BCDIN3D: variants seen among roughly 807,000 people sequenced by gnomAD.
The protein encoded by BCDIN3D is RNA 5'-monophosphate methyltransferase.
A neutral mutation model predicts 21.2 loss-of-function variants in BCDIN3D; 15 were observed. The ratio of observed to expected loss-of-function variants is 0.71; its 90% CI spans 0.47 to 1.09. BCDIN3D has a LOEUF of 1.09. BCDIN3D is among the 50% of genes least tolerant of loss of function. The probability of loss-of-function intolerance (pLI) is 0.00; values close to 1 mark genes in which losing one functional copy is unlikely to be tolerated. For synonymous variants in BCDIN3D, 127 were observed against 141.9 expected (o/e 0.90, Z 0.75); for missense variants, 331 against 366.2 (o/e 0.90, Z 0.79).
At position 49,838,702 on chromosome 12, in the gene BCDIN3D, A is replaced by G. The variant is rs1160144569; in HGVS notation, c.548T>C (p.Leu183Pro). ...NHGDHGLWEF[L>P]AHLSSLCHYL... ...GTGGCAGAGGGAGGAAAGATGGGCC[A>G]GGAACTCCCATAGGCCATGGTCTCC... Residue 183 changes from leucine (L) to proline (P), a missense_variant, in exon 2 of 2, where the codon CTG (leucine) becomes CCG (proline). Physicochemically the swap from Leu to Pro is moderately conservative, Grantham distance 98. Coordinates refer to ENST00000333924, the MANE Select transcript of BCDIN3D (RefSeq NM_181708.3). 6.2e-7 allele frequency: 1 copy of G among 1,613,950 alleles called. No homozygotes were observed. Among genetic ancestry groups the G allele is most frequent in the Admixed American group, 1.7e-5 (1 of 60,022 alleles).
At chr12:49,840,369 A>T (rs1167039006) in intron 1 of BCDIN3D, 1 of 152,226 alleles carries the variant, frequency 6.6e-6, no homozygotes, top group African/African-American at 2.4e-5. Context: ...AAATTAAAGT[A>T]CATCATTCAG....
rs1281676371 is a variant in BCDIN3D at position 49,836,266 on chromosome 12, G to GCCT, written c.*2102_*2104dup. ...TCCTACTGTGGTCAGCTCTCCCTCTGCCTCCCTATTATAAGAACACTGATG... is the reference window on the plus strand; with the variant it reads ...TCCTACTGTGGTCAGCTCTCCCTCTGCCTCCTCCCTATTATAAGAACACTGATG... On this transcript the variant is annotated 3_prime_UTR_variant, in exon 2 of 2. Coordinates refer to ENST00000333924, the MANE Select transcript of BCDIN3D (RefSeq NM_181708.3). 17 of 152,124 alleles carry GCCT rather than the reference G, an allele frequency of 1.1e-4. No individual in the cohort carries two copies. Among genetic ancestry groups the GCCT allele is most frequent in the African/African-American group, 4.1e-4 (17 of 41,388 alleles). The allele number at this position is 152,124 out of a possible 1,614,324, so 9.4% of individuals were successfully genotyped here. A position where few individuals can be genotyped will look rare whatever the true frequency, so the allele number is the denominator to read the frequency against.
At chr12:49,839,468 G>A (rs1946537361) in intron 1 of BCDIN3D, 1 of 160,004 alleles carries the variant, frequency 6.2e-6, no homozygotes, top group African/African-American at 2.4e-5. Context: ...CTGCTTCTCA[G>A]ACCCGCGGTG....
chr12:49,842,608 C>A, intron 1 of BCDIN3D: 1 of 487,974 alleles, frequency 2.0e-6, no homozygotes, highest in Non-Finnish European at 3.6e-6. Context: ...CCGTTCCCAC[C>A]TGGGGTCTGG....
At position 49,837,175 on chromosome 12, in the gene BCDIN3D, A is replaced by AGT. The variant is rs938291704; in HGVS notation, c.*1195_*1196insAC. 6 of 152,048 alleles carry AGT rather than the reference A, an allele frequency of 3.9e-5. No individual in the cohort carries two copies. The highest frequency in any genetic ancestry group is 1.4e-4 in the African/African-American group (6 of 41,382). The allele number at this position is 152,048 out of a possible 1,614,324, so 9.4% of individuals were successfully genotyped here. On this transcript the variant is annotated 3_prime_UTR_variant, in exon 2 of 2. Coordinates refer to ENST00000333924, the MANE Select transcript of BCDIN3D (RefSeq NM_181708.3). ...ATCTGTTGATTCTGATGTACCTAAG[A>AGT]ACTAAGGGATATAATGACAAAACAG...
At chr12:49,839,438 A>G (rs1046166093) in intron 1 of BCDIN3D, 6 of 164,168 alleles carry the variant, frequency 3.7e-5, no homozygotes, top group African/African-American at 1.4e-4. Flanking sequence ...GGAATACAGC[A>G]AGCACAATCT....
rs143608766 is a variant in BCDIN3D at position 49,843,065 on chromosome 12, T to A, written c.23A>T (p.Asp8Val). 2 of 1,613,812 alleles carry A rather than the reference T, an allele frequency of 1.2e-6. No individual in the cohort carries two copies. Among genetic ancestry groups the A allele is most frequent in the African/African-American group, 1.3e-5 (1 of 74,926 alleles). Residue 8 changes from aspartate to valine, a missense_variant, in exon 1 of 2, where the codon GAT becomes GTT. By Grantham distance (152) the Asp-to-Val change is radical. Transcript: ENST00000333924. MAVPTEL[D>V]GGSVKETAAE... ...TGCGGTCTCCTTAACACTCCCTCCATCCAGTTCCGTGGGCACCGCCATTAG... is the reference window on the plus strand; with the variant it reads ...TGCGGTCTCCTTAACACTCCCTCCAACCAGTTCCGTGGGCACCGCCATTAG...
At position 49,838,091 on chromosome 12, in the gene BCDIN3D, A is replaced by G; in HGVS notation, c.*280T>C. The G allele has an allele frequency of 3.1e-6, 1 of 324,544 alleles. No individual in the cohort carries two copies. The allele number at this position is 324,544 out of a possible 1,614,324, so 20.1% of individuals were successfully genotyped here. A position where few individuals can be genotyped will look rare whatever the true frequency, so the allele number is the denominator to read the frequency against. ...AGTCTGATCTTTATAAATAATCCCCAAAAGCAGCCCTCTCCATAACCCATA... is the reference window on the plus strand; with the variant it reads ...AGTCTGATCTTTATAAATAATCCCCGAAAGCAGCCCTCTCCATAACCCATA... On this transcript the variant is annotated 3_prime_UTR_variant, in exon 2 of 2. Coordinates refer to ENST00000333924, the MANE Select transcript of BCDIN3D (RefSeq NM_181708.3).
In BCDIN3D at chr12:49,838,781, C is replaced by T. The variant is rs1183243609; in HGVS notation, c.469G>A (p.Val157Ile). ...SSFLSQFGRS[V>I]FDIGFCMSIT... ...GACATGCAGAAGCCAATGTCAAAAA[C>T]TGAACGTCCAAATTGGCTTAAGAAA... The change falls in exon 2 of 2, where the codon GTT becomes ATT. Residue 157 changes from valine to isoleucine, a missense_variant. Transcript: ENST00000333924. The T allele has an allele frequency of 6.2e-7, 1 of 1,614,210 alleles. No individual in the cohort carries two copies. Among genetic ancestry groups the T allele is most frequent in the South Asian group, 1.1e-5 (1 of 91,088 alleles).
Position 49,838,260 on chromosome 12 carries a change from G to T in BCDIN3D, c.*111C>A. On this transcript the variant is annotated 3_prime_UTR_variant, in exon 2 of 2. Transcript: ENST00000333924. ...ATGTGCCTTGGACATTTTACCAAAAGCTCCTGCCAGGTTTTGCGGCTGCCT... is the reference window on the plus strand; with the variant it reads ...ATGTGCCTTGGACATTTTACCAAAATCTCCTGCCAGGTTTTGCGGCTGCCT... The T allele has an allele frequency of 2.7e-6, 3 of 1,124,756 alleles. No homozygotes were observed. Among genetic ancestry groups the T allele is most frequent in the Non-Finnish European group, 3.8e-6 (3 of 793,050 alleles). The allele number at this position is 1,124,756 out of a possible 1,614,324, so 69.7% of individuals were successfully genotyped here.
At position 49,838,493 on chromosome 12, in the gene BCDIN3D, T is replaced by A; in HGVS notation, c.757A>T (p.Thr253Ser). The change falls in exon 2 of 2, where the codon ACC (threonine) becomes TCC (serine). Residue 253 changes from threonine to serine, a missense_variant. By Grantham distance (58) the Thr-to-Ser change is moderately conservative. Transcript: ENST00000333924. ...GMELICCFGN[T>S]SWDRSLLLFR... is the part of the protein sequence containing the mutation. ...AGCAGAAGGCTTCTGTCCCAACTGG[T>A]GTTGCCAAAGCAACATATTAATTCC... is the stretch of plus-strand genomic sequence containing the variant. 1 of 1,614,156 alleles carries A rather than the reference T, an allele frequency of 6.2e-7. No individual in the cohort carries two copies. Among genetic ancestry groups the A allele is most frequent in the Non-Finnish European group, 8.5e-7 (1 of 1,180,036 alleles).
At position 49,842,944 on chromosome 12, in the gene BCDIN3D, G is replaced by A. The variant is rs765327732; in HGVS notation, c.144C>T (p.Arg48=). 12 of 1,614,228 alleles carry A rather than the reference G, an allele frequency of 7.4e-6. No homozygotes were observed. In the Admixed American group the frequency reaches 1.2e-4, roughly 16 times the overall value. The change falls in exon 1 of 2, where the codon CGC becomes CGT. Residue 48 remains arginine (R), a synonymous_variant. Coordinates refer to ENST00000333924, the MANE Select transcript of BCDIN3D (RefSeq NM_181708.3). ...GTCGAAGCAGCTCCGGGGGCAGGAG[G>A]CGGAGCCGTTGCTCCGGAGGGTGGA... The part of the protein sequence containing the change: ...SRFHPPEQRL[R]LLPPELLRQL...
At chr12:49,839,566 A>T (rs963581759) in intron 1 of BCDIN3D, 1 of 153,802 alleles carries the variant, frequency 6.5e-6, no homozygotes, top group Non-Finnish European at 1.4e-5. Context: ...CTTCTGAGAC[A>T]TTCTGCTTCT....
Position 49,842,963 on chromosome 12 carries a change from G to C in BCDIN3D, c.125C>G (p.Pro42Arg). 1 of 1,614,230 alleles carries C rather than the reference G, an allele frequency of 6.2e-7. No homozygotes were observed. The highest frequency in any genetic ancestry group is 8.5e-7 in the Non-Finnish European group (1 of 1,180,046). Residue 42 changes from proline to arginine, a missense_variant, in exon 1 of 2, where the codon CCT becomes CGT. Pro to Arg is a moderately radical substitution (Grantham distance 103). Coordinates refer to ENST00000333924, the MANE Select transcript of BCDIN3D (RefSeq NM_181708.3). ...GNFPHYSRFH[P>R]PEQRLRLLPP... Reference sequence around the variant, plus strand: ...CAGGAGGCGGAGCCGTTGCTCCGGAGGGTGGAAGCGAGAATAATGAGGAAA... The same window carrying C: ...CAGGAGGCGGAGCCGTTGCTCCGGACGGTGGAAGCGAGAATAATGAGGAAA...
In BCDIN3D at chr12:49,842,999, G is replaced by T. The variant is rs148917422; in HGVS notation, c.89C>A (p.Pro30Gln). The T allele has an allele frequency of 1.9e-6, 3 of 1,614,202 alleles. No individual in the cohort carries two copies. The highest frequency in any genetic ancestry group is 2.5e-6 in the Non-Finnish European group (3 of 1,180,050). ...ESRVLAPGAA[P>Q]FGNFPHYSRF... ...AGAATAATGAGGAAAATTTCCGAAC[G>T]GGGCGGCGCCAGGTGCCAGAACTCG... Residue 30 changes from proline to glutamine, a missense_variant, in exon 1 of 2, where the codon CCG (proline) becomes CAG (glutamine). Transcript: ENST00000333924.
At position 49,838,372 on chromosome 12, in the gene BCDIN3D, C is replaced by T; in HGVS notation, c.878G>A (p.Ter293=). 6.3e-7 allele frequency: 1 copy of T among 1,599,606 alleles called. No individual in the cohort carries two copies. Among genetic ancestry groups the T allele is most frequent in the Non-Finnish European group, 8.5e-7 (1 of 1,177,922 alleles). The stretch of plus-strand genomic sequence containing the variant: ...TCTTGGTCTTCTTGCCCTCCCATCT[C>T]ACTGCTTCTGGAAACTTAATCTGTT... ...EKNRLSFQKQ[*] Residue 293 remains the stop codon, a stop_retained_variant, in exon 2 of 2, where the codon TGA becomes TAA. Transcript: ENST00000333924.
At chr12:49,841,560 A>G (rs1455552771) in intron 1 of BCDIN3D, among the ~76,000 whole-genome samples, 1 of 152,210 alleles carries the variant, frequency 6.6e-6, no homozygotes, top group East Asian at 1.9e-4. Flanking sequence ...GCCTTTCGTG[A>G]AATCCCAAGC....
At chr12:49,839,427 A>G (rs776150234) in intron 1 of BCDIN3D, 4 of 168,392 alleles carry the variant, frequency 2.4e-5, no homozygotes, top group Non-Finnish European at 5.2e-5. Flanking sequence ...CAGGAAAGTG[A>G]GGAATACAGC....
chr12:49,843,067 C>T lies in BCDIN3D; in HGVS notation c.21G>A (p.Leu7=), dbSNP rs756725632. Residue 7 remains leucine, a synonymous_variant, in exon 1 of 2, where the codon CTG becomes CTA. Transcript: ENST00000333924. ...CGGTCTCCTTAACACTCCCTCCATCCAGTTCCGTGGGCACCGCCATTAGCC... is the reference window on the plus strand; with the variant it reads ...CGGTCTCCTTAACACTCCCTCCATCTAGTTCCGTGGGCACCGCCATTAGCC... MAVPTE[L]DGGSVKETAA... 3.1e-6 allele frequency: 5 copies of T among 1,613,952 alleles called. No individual in the cohort carries two copies. Among genetic ancestry groups the T allele is most frequent in the Non-Finnish European group, 4.2e-6 (5 of 1,179,870 alleles).
Sources: gnomAD v4.1 joint callset for allele counts (sites outside exome capture counted in the v4.1 genomes callset) on GRCh38, gnomAD v4.1.1 for gene constraint, MANE v1.5 for transcripts, NCBI Gene and HGNC (gene_info 2026-07-23, HGNC 2026-07-21) for gene names.